The following CIT variants were observed in gnomAD, a reference collection of about 807,000 sequenced individuals.
CIT encodes citron Rho-interacting kinase.
In CIT, 79 loss-of-function variants were observed where a neutral mutation model predicts 272.7. That is an observed-to-expected ratio of 0.29 (90% confidence interval 0.24 to 0.35). The LOEUF is 0.35. Among genes scored for constraint, CIT ranks in the 10% least tolerant of loss-of-function variants. CIT has a pLI of 1.00. For synonymous variants in CIT, 948 were observed against 995.6 expected, an observed-to-expected ratio of 0.95 and a Z score of 0.90; for missense variants, 1,909 against 2,618.3, an observed-to-expected ratio of 0.73 and a Z score of 5.91.
chr12:119,809,908 C>T, intron 9 of CIT, among the ~76,000 whole-genome samples: 1 of 152,222 alleles, frequency 6.6e-6, no homozygotes, highest in Non-Finnish European at 1.5e-5. Flanking sequence ...TGGAGAGCTT[C>T]CGGATAGCTG....
intron 13 of CIT, among the ~76,000 whole-genome samples, chr12:119,781,073 G>A (rs1964244183): frequency 6.6e-6 from 1 of 152,208 alleles, no homozygotes; most frequent in South Asian, 2.1e-4. Flanking sequence ...TTCCAGGTAT[G>A]TTGAACTAAT....
intron 7 of CIT, among the ~76,000 whole-genome samples, chr12:119,831,137 T>C (rs1593893631): frequency 6.6e-6 from 1 of 152,270 alleles, no homozygotes; most frequent in African/African-American, 2.4e-5. Context: ...GGATTACAGG[T>C]GTGAGGCACT....
At position 119,712,371 on chromosome 12, in the gene CIT, G is replaced by T. The variant is rs750267400; in HGVS notation, c.4685-24C>A. 6 of 1,592,662 alleles carry T rather than the reference G, an allele frequency of 3.8e-6. No homozygotes were observed. In the African/African-American group the frequency reaches 8.1e-5, roughly 21 times the overall value. ...ATCTAGGAGATTTCAGAGAGCACAG[G>T]ATTGGGTGTGGATTTCCCCCGTTCC... On this transcript the variant is annotated intron_variant, in intron 36 of 47. Transcript: ENST00000392521. This position sits in a 1 kb window ranked among gnomAD's most constrained non-coding sequence, Gnocchi z 5.2.
chr12:119,863,846 GAA>G (rs111497376), intron 3 of CIT, among the ~76,000 whole-genome samples: 2 of 108,766 alleles, frequency 1.8e-5, no homozygotes, highest in Admixed American at 9.8e-5. Context: ...TTTAAACATA[GAA>G]AAAAAAAAAA....
At chr12:119,841,834 CT>C (rs1437028565) in intron 5 of CIT, among the ~76,000 whole-genome samples, 1 of 152,126 alleles carries the variant, frequency 6.6e-6, no homozygotes, top group Non-Finnish European at 1.5e-5. Flanking sequence ...TGGAAGGAAC[CT>C]GGGTCCCTGA....
chr12:119,769,837 G>A (rs190533397), intron 18 of CIT, among the ~76,000 whole-genome samples: 1 of 152,300 alleles, frequency 6.6e-6, no homozygotes, highest in East Asian at 1.9e-4. Flanking sequence ...TAAACAGTTT[G>A]ATTTGGTATT....
intron 32 of CIT, among the ~76,000 whole-genome samples, chr12:119,714,607 A>C (rs572659457): frequency 1.3e-5 from 2 of 152,188 alleles, no homozygotes; most frequent in East Asian, 3.9e-4. Flanking sequence ...GTCGTTAGAG[A>C]GATGTGAATC....
intron 5 of CIT, among the ~76,000 whole-genome samples, chr12:119,839,471 C>G (rs1969250668): frequency 6.6e-6 from 1 of 152,186 alleles, no homozygotes; most frequent in Non-Finnish European, 1.5e-5. Flanking sequence ...CCCAATGTTC[C>G]TGATCTTTGG....
Position 119,690,333 on chromosome 12 carries a change from G to T in CIT, c.6004C>A (p.Arg2002Ser), listed in dbSNP as rs961048068. The T allele has an allele frequency of 6.3e-7, 1 of 1,596,942 alleles. No homozygotes were observed. Among genetic ancestry groups the T allele is most frequent in the South Asian group, 1.1e-5 (1 of 90,342 alleles). The change falls in exon 47 of 48, where the codon CGC (arginine) becomes AGC (serine). Residue 2002 changes from arginine (R) to serine (S), a missense_variant. Physicochemically the swap from Arg to Ser is moderately radical, Grantham distance 110 (BLOSUM62 -1). This residue lies in a region of CIT where 780 missense variants were observed against 1,067.2 expected (regional missense o/e 0.73). Transcript: ENST00000392521. The surrounding 1 kb of genome is among the most constrained non-coding windows in gnomAD (Gnocchi z 6.0). ...CTGCGCAGCTCGGTCCGCCCCTCGC[G>T]GTAGCGGTGGGGTGTGCTTGGCTCT... ...PREPSTPHRY[R>S]EGRTELRRDK...
chr12:119,694,044 T>C lies in CIT; in HGVS notation c.5883-3590A>G, dbSNP rs1956095333. Among the ~76,000 whole-genome samples the C allele has an allele frequency of 6.6e-6, 1 of 152,210 alleles. No homozygotes were observed. The highest frequency in any genetic ancestry group is 1.5e-5 in the Non-Finnish European group (1 of 68,036). On this transcript the variant is annotated intron_variant, in intron 46 of 47. Coordinates refer to ENST00000392521, the MANE Select transcript of CIT (RefSeq NM_001206999.2). This position sits in a 1 kb window ranked among gnomAD's most constrained non-coding sequence, Gnocchi z 4.5. Reference sequence around the variant, plus strand: ...TCCCGGGGTTAAATAATCTCAGACCTTCTTTGCAGGCCAAGGTTTCAAACT... The same window carrying C: ...TCCCGGGGTTAAATAATCTCAGACCCTCTTTGCAGGCCAAGGTTTCAAACT...
At chr12:119,696,547 G>A (rs987383220) in intron 46 of CIT, among the ~76,000 whole-genome samples, 7 of 150,746 alleles carry the variant, frequency 4.6e-5, no homozygotes, top group African/African-American at 1.5e-4. Flanking sequence ...TTGATTTTGA[G>A]ATAGGGTCTC....
intron 2 of CIT, among the ~76,000 whole-genome samples, chr12:119,875,349 T>C (rs1341727553): frequency 6.6e-6 from 1 of 152,114 alleles, no homozygotes; most frequent in East Asian, 1.9e-4. Flanking sequence ...AGTACAGAAG[T>C]GTAAAGTGTG....
chr12:119,763,291 G>GGGGA (rs1566006506), intron 19 of CIT, among the ~76,000 whole-genome samples: 6 of 4,756 alleles, frequency 1.3e-3, no homozygotes, highest in East Asian at 1.7e-3. Context: ...TGCAAAGGTG[G>GGGGA]CTCACTGCAG....
At chr12:119,730,464 T>G (rs1958376100) in intron 27 of CIT, 31 bp downstream of exon 27, 2 of 1,544,490 alleles carry the variant, frequency 1.3e-6, no homozygotes, top group South Asian at 2.4e-5. Context: ...CGAAAATGTT[T>G]TCCTAAAAAG....
chr12:119,845,315 G>A (rs1019316489), intron 5 of CIT, among the ~76,000 whole-genome samples: 2 of 151,954 alleles, frequency 1.3e-5, no homozygotes, highest in African/African-American at 4.8e-5. Flanking sequence ...CTCCGGGAAG[G>A]CTATGCCCAA....
At chr12:119,752,315 G>C in intron 22 of CIT, 68 bp from the exon 23 acceptor site, 2 of 1,394,464 alleles carry the variant, frequency 1.4e-6, no homozygotes, top group East Asian at 4.9e-5. Context: ...AGAAAGTGAA[G>C]ACATGACCTG....
At chr12:119,750,794 T>TAGAG (rs1173033514) in intron 23 of CIT, among the ~76,000 whole-genome samples, 1 of 146,716 alleles carries the variant, frequency 6.8e-6, no homozygotes, top group Non-Finnish European at 1.5e-5. Flanking sequence ...GATAGATAGA[T>TAGAG]AGAGATATAG....
Position 119,784,051 on chromosome 12 carries a change from T to A in CIT, c.1402A>T (p.Met468Leu). 3.7e-6 allele frequency: 6 copies of A among 1,612,232 alleles called. No individual in the cohort carries two copies. Among genetic ancestry groups the A allele is most frequent in the Non-Finnish European group, 5.1e-6 (6 of 1,179,044 alleles). Residue 468 changes from methionine to leucine, a missense_variant and splice_region_variant, in exon 12 of 48, where the codon ATG (methionine) becomes TTG (leucine). Met to Leu is a conservative substitution (Grantham distance 15). Around this residue, in one of 8 missense-constraint regions of CIT, gnomAD observed 26 missense variants for 44.1 expected, o/e 0.59. Coordinates refer to ENST00000392521, the MANE Select transcript of CIT (RefSeq NM_001206999.2). This position sits in a 1 kb window ranked among gnomAD's most constrained non-coding sequence, Gnocchi z 4.7. ...LQDSQDKCHK[M>L]EQEMTRLHRR... Reference sequence around the variant, plus strand: ...TGTAACCGGGTCATTTCCTGCTCCATCTGAAATAAACACATCGACAGGTTA... The same window carrying A: ...TGTAACCGGGTCATTTCCTGCTCCAACTGAAATAAACACATCGACAGGTTA...
In CIT at chr12:119,720,564, C is replaced by A; in HGVS notation, c.3754G>T (p.Val1252Leu). ...TGAGAAATAGTGCCTTCCATTTTCA[C>A]CTTTTCATGAGAATAGAGAACCTAA... ...NIQVLYSHEK[V>L]KMEGTISQQT... Residue 1252 changes from valine to leucine, a missense_variant, in exon 30 of 48, where the codon GTG becomes TTG. By Grantham distance (32) the Val-to-Leu change is conservative (BLOSUM62 1). Around this residue, in one of 8 missense-constraint regions of CIT, gnomAD observed 14 missense variants for 44.1 expected, o/e 0.32. Transcript: ENST00000392521. The A allele has an allele frequency of 6.2e-7, 1 of 1,607,322 alleles. No homozygotes were observed. Among genetic ancestry groups the A allele is most frequent in the Non-Finnish European group, 8.5e-7 (1 of 1,178,020 alleles).
Sources: allele counts gnomAD v4.1 joint callset (sites outside exome capture counted in the v4.1 genomes callset), GRCh38; gene constraint gnomAD v4.1.1; regional missense constraint gnomAD v4.1.1; non-coding constraint Gnocchi (gnomAD v3.1); transcripts MANE v1.5; gene names NCBI Gene and HGNC (gene_info 2026-07-23, HGNC 2026-07-21).